Variants in FOCAD observed in about 807,000 individuals in gnomAD.
FOCAD encodes focadhesin.
Under a neutral mutation model 225.6 loss-of-function variants are expected in FOCAD, and 198 were observed. The ratio of observed to expected loss-of-function variants is 0.88; its 90% CI spans 0.78 to 0.99. The LOEUF (loss-of-function observed/expected upper bound fraction) is 0.99, where lower values mean the gene tolerates loss of function less well. Among genes scored for constraint, FOCAD ranks in the 50% least tolerant of loss-of-function variants. The pLI, the probability that FOCAD is intolerant of heterozygous loss-of-function variation, is 0.00. For synonymous variants in FOCAD, 897 were observed against 755.0 expected (o/e 1.19, Z -3.08); for missense variants, 2,713 against 2,123.6 (o/e 1.28, Z -5.46).
intron 33 of FOCAD, among the ~76,000 whole-genome samples, 189 bp downstream of exon 33, chr9:20,949,864 G>A (rs1490307047): frequency 6.6e-6 from 1 of 151,928 alleles, no homozygotes; most frequent in African/African-American, 2.4e-5. Context: ...CTACCTTTGG[G>A]AAAAAAAGAA....
chr9:20,756,729 T>C (rs1423047736), intron 5 of FOCAD, among the ~76,000 whole-genome samples: 1 of 152,202 alleles, frequency 6.6e-6, no homozygotes, highest in Non-Finnish European at 1.5e-5. Context: ...ATCTTACTAG[T>C]AAGGCATCAC....
intron 21 of FOCAD, among the ~76,000 whole-genome samples, chr9:20,893,231 T>C (rs1263623645): frequency 6.6e-6 from 1 of 152,118 alleles, no homozygotes; most frequent in African/African-American, 2.4e-5. Context: ...ACATTGTTTT[T>C]TTTAAATACA....
At chr9:20,697,025 G>C (rs1457850862) in intron 1 of FOCAD, among the ~76,000 whole-genome samples, 1 of 151,994 alleles carries the variant, frequency 6.6e-6, no homozygotes, top group Admixed American at 6.6e-5. Flanking sequence ...TAGACTTCCT[G>C]GCTTCCAGAA....
chr9:20,754,584 G>A (rs773795842), intron 5 of FOCAD, among the ~76,000 whole-genome samples: 1 of 151,634 alleles, frequency 6.6e-6, no homozygotes, highest in Non-Finnish European at 1.5e-5. Context: ...CTGGTGCAAT[G>A]CTTTCTTCGG....
At chr9:20,981,153 A>G (rs549224857) in intron 37 of FOCAD, among the ~76,000 whole-genome samples, 1 of 152,226 alleles carries the variant, frequency 6.6e-6, no homozygotes, top group Non-Finnish European at 1.5e-5. Context: ...CCTTGAAAAC[A>G]TCCAAGGTTT....
chr9:20,743,268 A>G (rs1484647640), intron 5 of FOCAD, among the ~76,000 whole-genome samples: 1 of 152,220 alleles, frequency 6.6e-6, no homozygotes, highest in Non-Finnish European at 1.5e-5. Context: ...CTGTAGGATT[A>G]ATTTAAAATA....
intron 35 of FOCAD, among the ~76,000 whole-genome samples, chr9:20,969,923 G>A (rs1373319274): frequency 1.3e-5 from 2 of 150,738 alleles, no homozygotes; most frequent in Admixed American, 1.3e-4. Flanking sequence ...TTGTTTTTCT[G>A]TATATGTCTT....
At chr9:20,792,479 ATGAGTTTGACAAAT>A (rs1330609704) in intron 11 of FOCAD, among the ~76,000 whole-genome samples, 2 of 152,208 alleles carry the variant, frequency 1.3e-5, no homozygotes, top group Admixed American at 6.5e-5. Flanking sequence ...ATCCCCATTG[ATGAGTTTGACAAAT>A]TGAGTTTTGC....
At chr9:20,656,911 G>T (rs1248798337), upstream of FOCAD, among the ~76,000 whole-genome samples, 20 of 151,690 alleles carry the variant, frequency 1.3e-4, no homozygotes, top group African/African-American at 4.8e-4. Context: ...TGCAGCGGCT[G>T]GTACCGGTTG....
chr9:20,947,552 A>G (rs1195237915), intron 30 of FOCAD, among the ~76,000 whole-genome samples: 1 of 152,146 alleles, frequency 6.6e-6, no homozygotes, highest in African/African-American at 2.4e-5. Flanking sequence ...TTTCAAGGGA[A>G]AGATTCTGGA....
At chr9:20,845,316 T>C (rs897820851) in intron 15 of FOCAD, among the ~76,000 whole-genome samples, 1 of 151,882 alleles carries the variant, frequency 6.6e-6, no homozygotes, top group Non-Finnish European at 1.5e-5. Flanking sequence ...TTGCCATATA[T>C]AATTTCATGC....
At position 20,946,703 on chromosome 9, in the gene FOCAD, C is replaced by T. The variant is rs1837217601; in HGVS notation, c.3558C>T (p.Val1186=). Reference sequence around the variant, plus strand: ...TTTCTGCTGTATTTTCTTCTCAGGTCCTTGCCTACACACTTAGCTGTGTAT... The same window carrying T: ...TTTCTGCTGTATTTTCTTCTCAGGTTCTTGCCTACACACTTAGCTGTGTAT... ...SGSQSRTFQE[V]LAYTLSCVCT... Residue 1186 remains valine (V), a splice_region_variant and synonymous_variant, in exon 30 of 44, where the codon GTC becomes GTT. Transcript: ENST00000338382. 1 of 1,609,910 alleles carries T rather than the reference C, an allele frequency of 6.2e-7. No individual in the cohort carries two copies. Among genetic ancestry groups the T allele is most frequent in the Non-Finnish European group, 8.5e-7 (1 of 1,178,480 alleles).
chr9:20,726,222 C>T (rs1443268906), intron 4 of FOCAD: 1 of 152,078 alleles, frequency 6.6e-6, no homozygotes, highest in African/African-American at 2.4e-5. Flanking sequence ...AGTCCCAAAC[C>T]ATTTTTCTTT....
chr9:20,950,917 T>TG (rs1313914820), intron 33 of FOCAD, 79 bp from the exon 34 acceptor site: 2 of 1,240,636 alleles, frequency 1.6e-6, no homozygotes, highest in African/African-American at 3.0e-5. Flanking sequence ...AAATGACTGG[T>TG]GACTTTCTGT....
chr9:20,823,013 G>A lies in FOCAD; in HGVS notation c.1818G>A (p.Met606Ile), dbSNP rs746534937. Residue 606 changes from methionine to isoleucine, a missense_variant, in exon 15 of 44, where the codon ATG becomes ATA. Coordinates refer to ENST00000338382, the MANE Select transcript of FOCAD (RefSeq NM_001375567.1). ...KQRPYQHGAD[M>I]LAAISQVLNE... The stretch of plus-strand genomic sequence containing the variant: ...GGCCATATCAACATGGTGCAGATAT[G>A]TTGGCAGCTATTTCTCAAGTGTTGA... The A allele has an allele frequency of 8.7e-6, 14 of 1,605,982 alleles. No individual in the cohort carries two copies. In the South Asian group the frequency reaches 1.6e-4, roughly 18 times the overall value.
intron 35 of FOCAD, among the ~76,000 whole-genome samples, chr9:20,958,366 G>A (rs1025783838): frequency 6.6e-6 from 1 of 151,122 alleles, no homozygotes; most frequent in Non-Finnish European, 1.5e-5. Flanking sequence ...CTGTTTAAGA[G>A]GTTGGTTTTT....
chr9:20,985,139 G>C (rs1564244446), intron 39 of FOCAD, among the ~76,000 whole-genome samples: 1 of 152,118 alleles, frequency 6.6e-6, no homozygotes, highest in East Asian at 1.9e-4. Context: ...TTGCACTGTA[G>C]AATCTGAAAC....
intron 6 of FOCAD, among the ~76,000 whole-genome samples, chr9:20,762,646 T>G: frequency 6.6e-6 from 1 of 152,108 alleles, no homozygotes. Context: ...TGTTGTCAAG[T>G]GTTATTTATT....
intron 21 of FOCAD, among the ~76,000 whole-genome samples, chr9:20,888,015 T>A (rs1214086978): frequency 6.6e-6 from 1 of 152,050 alleles, no homozygotes; most frequent in Non-Finnish European, 1.5e-5. Context: ...TGCTCTGATC[T>A]TCTGCCCATT....
Sources: allele counts gnomAD v4.1 joint callset (sites outside exome capture counted in the v4.1 genomes callset), GRCh38; gene constraint gnomAD v4.1.1; transcripts MANE v1.5; gene names NCBI Gene and HGNC (gene_info 2026-07-23, HGNC 2026-07-21).